SEPTIN8: variants seen among roughly 807,000 people sequenced by gnomAD.
SEPTIN8 encodes the protein septin-8.
A neutral mutation model predicts 53.1 loss-of-function variants in SEPTIN8; 22 were observed. The observed-to-expected ratio is 0.41, with a 90% CI of 0.30 to 0.59. SEPTIN8 has a LOEUF of 0.59. SEPTIN8 is among the 20% of genes least tolerant of loss of function. The pLI is 0.24. For missense variants in SEPTIN8, 536 were observed against 638.7 expected (o/e 0.84, Z 1.73); for synonymous variants, 228 against 248.4 (o/e 0.92, Z 0.77).
intron 9 of SEPTIN8, among the ~76,000 whole-genome samples, chr5:132,759,549 AAGC>A (rs1755679251): frequency 6.6e-6 from 1 of 152,206 alleles, no homozygotes; most frequent in African/African-American, 2.4e-5. Flanking sequence ...AGATGGCAGG[AAGC>A]AGGGCAAAGT....
chr5:132,751,108 C>A lies in SEPTIN8; in HGVS notation c.*908G>T, dbSNP rs765926958. ...AGGCGTGCACACGCCCTTGCACATGCACCACAGTGAGGTGACGCACAAGGC... is the reference window on the plus strand; with the variant it reads ...AGGCGTGCACACGCCCTTGCACATGAACCACAGTGAGGTGACGCACAAGGC... On this transcript the variant is annotated 3_prime_UTR_variant, in exon 10 of 10. Coordinates refer to ENST00000378719, the MANE Select transcript of SEPTIN8 (RefSeq NM_001098811.2). 3.0e-5 allele frequency: 37 copies of A among 1,253,422 alleles called. No individual in the cohort carries two copies. The highest frequency in any genetic ancestry group is 4.1e-5 in the Non-Finnish European group (37 of 895,786). 77.6% of individuals were successfully genotyped at this position (1,253,422 alleles called of 1,614,324 possible).
chr5:132,758,766 A>G, intron 9 of SEPTIN8: 1 of 1,614,158 alleles, frequency 6.2e-7, no homozygotes. Flanking sequence ...TAACTCAAGC[A>G]ACTTAACACA....
rs377335720 is a variant in SEPTIN8, at chr5:132,760,873, C to T, written c.1215G>A (p.Val405=). 30 of 1,613,464 alleles carry T rather than the reference C, an allele frequency of 1.9e-5. No homozygotes were observed. The African/African-American group carries it at 3.1e-4, about 16-fold the overall frequency. ...TNAFNRRKAA[V]EALQSQALHA... ...GCAAGGCCTGCGACTGCAGGGCCTC[C>T]ACCGCAGCCTTCCGGCGATTGAAGG... The change falls in exon 9 of 10, where the codon GTG becomes GTA. Residue 405 remains valine, a synonymous_variant. Coordinates refer to ENST00000378719, the MANE Select transcript of SEPTIN8 (RefSeq NM_001098811.2). This position sits in a 1 kb window ranked among gnomAD's most constrained non-coding sequence, Gnocchi z 5.2.
At chr5:132,770,308 AGCTGGGATTACAGGCAC>A (rs1757196746) in intron 1 of SEPTIN8, among the ~76,000 whole-genome samples, 1 of 151,034 alleles carries the variant, frequency 6.6e-6, no homozygotes, top group Non-Finnish European at 1.5e-5. Context: ...ACTCCCCAGT[AGCTGGGATTACAGGCAC>A]GCAACCACCA....
chr5:132,752,826 G>C, intron 9 of SEPTIN8: 1 of 1,555,182 alleles, frequency 6.4e-7, no homozygotes, highest in Non-Finnish European at 8.9e-7. Context: ...TAGAATGTAT[G>C]ATGGTTCTGC....
At position 132,764,217 on chromosome 5, in the gene SEPTIN8, C is replaced by T. The variant is rs746983736; in HGVS notation, c.347+7G>A. 1.2e-6 allele frequency: 2 copies of T among 1,607,676 alleles called. No homozygotes were observed. Among genetic ancestry groups the T allele is most frequent in the Admixed American group, 3.4e-5 (2 of 59,666 alleles). On this transcript the variant is annotated splice_region_variant and intron_variant, in intron 3 of 9. Coordinates refer to ENST00000378719, the MANE Select transcript of SEPTIN8 (RefSeq NM_001098811.2). ...GGCTGGGTGGGGCCGCCCTTCCCGC[C>T]TCTTGCCTCTCATCCTTATTGATCT...
chr5:132,779,814 G>A (rs895134086), upstream of SEPTIN8, among the ~76,000 whole-genome samples: 2 of 152,096 alleles, frequency 1.3e-5, no homozygotes, highest in Non-Finnish European at 2.9e-5. Flanking sequence ...CAAACCAGTT[G>A]TTTCATCTTT....
chr5:132,761,617 T>C lies in SEPTIN8; in HGVS notation c.803A>G (p.Glu268Gly). Residue 268 changes from glutamate to glycine, a missense_variant, in exon 7 of 10, where the codon GAG (glutamate) becomes GGG (glycine). Transcript: ENST00000378719. The surrounding 1 kb of genome is among the most constrained non-coding windows in gnomAD (Gnocchi z 5.8). ...YPWGVVQVEN[E>G]NHCDFVKLRE... ...CAGCTTCACGAAGTCGCAGTGATTC[T>C]CATTCTCCACTGAAAGCAGAGGGCC... 6.2e-7 allele frequency: 1 copy of C among 1,613,812 alleles called. No homozygotes were observed. The highest frequency in any genetic ancestry group is 8.5e-7 in the Non-Finnish European group (1 of 1,179,918).
At chr5:132,766,253 C>A (rs1205763471) in intron 1 of SEPTIN8, among the ~76,000 whole-genome samples, 2 of 152,214 alleles carry the variant, frequency 1.3e-5, no homozygotes, top group Non-Finnish European at 2.9e-5. Context: ...TCTAGAGACC[C>A]CCAGCTCCTG....
In SEPTIN8 at chr5:132,761,649, G is replaced by A; in HGVS notation, c.794-23C>T. ...CCACTGAAAGCAGAGGGCCGGTGGG[G>A]TATCAGGCAGGCATGCAGGCGGGCA... is the stretch of plus-strand genomic sequence containing the variant. On this transcript the variant is annotated intron_variant, in intron 6 of 9. Coordinates refer to ENST00000378719, the MANE Select transcript of SEPTIN8 (RefSeq NM_001098811.2). The surrounding 1 kb of genome is among the most constrained non-coding windows in gnomAD (Gnocchi z 5.8). The A allele has an allele frequency of 2.5e-6, 4 of 1,611,616 alleles. No individual in the cohort carries two copies. Among genetic ancestry groups the A allele is most frequent in the Non-Finnish European group, 3.4e-6 (4 of 1,178,776 alleles).
At position 132,762,007 on chromosome 5, in the gene SEPTIN8, T is replaced by C. The variant is rs920811278; in HGVS notation, c.697-111A>G. ...GGGGCAGCCAGACCTGAACAAAGGC[T>C]CCAGGGCCAGATGCTTACTTCCTGG... On this transcript the variant is annotated intron_variant, in intron 5 of 9. Coordinates refer to ENST00000378719, the MANE Select transcript of SEPTIN8 (RefSeq NM_001098811.2). The C allele has an allele frequency of 4.6e-6, 4 of 861,794 alleles. No individual in the cohort carries two copies. The African/African-American group carries it at 6.8e-5, about 15-fold the overall frequency. 53.4% of individuals were successfully genotyped at this position (861,794 alleles called of 1,614,324 possible). A position where few individuals can be genotyped will look rare whatever the true frequency, so the allele number is the denominator to read the frequency against.
intron 1 of SEPTIN8, among the ~76,000 whole-genome samples, chr5:132,770,271 T>C (rs1224431626): frequency 1.3e-5 from 2 of 150,542 alleles, no homozygotes; most frequent in Non-Finnish European, 3.0e-5. Flanking sequence ...CTCCGCCTCC[T>C]AGGTACAAGC....
In SEPTIN8 at chr5:132,761,097, C is replaced by A. The variant is rs1248342644; in HGVS notation, c.1095+36G>T. 2 of 1,613,188 alleles carry A rather than the reference C, an allele frequency of 1.2e-6. No individual in the cohort carries two copies. Among genetic ancestry groups the A allele is most frequent in the Non-Finnish European group, 1.7e-6 (2 of 1,179,484 alleles). On this transcript the variant is annotated intron_variant, in intron 8 of 9. Transcript: ENST00000378719. The surrounding 1 kb of genome is among the most constrained non-coding windows in gnomAD (Gnocchi z 5.8). ...ACCCTCAGCCAGGCCTTCCCTCCCTCAGCTTCCCCATCCCAGCCCCCAGCC... is the reference window on the plus strand; with the variant it reads ...ACCCTCAGCCAGGCCTTCCCTCCCTAAGCTTCCCCATCCCAGCCCCCAGCC...
At chr5:132,752,445 A>G (rs776193699) in intron 9 of SEPTIN8, among the ~76,000 whole-genome samples, 4 of 152,140 alleles carry the variant, frequency 2.6e-5, no homozygotes, top group African/African-American at 7.2e-5. Context: ...CTTTATCTCA[A>G]TGGGAGCCCT....
chr5:132,761,683 A>G lies in SEPTIN8; in HGVS notation c.794-57T>C. 6.2e-7 allele frequency: 1 copy of G among 1,602,014 alleles called. No homozygotes were observed. Among genetic ancestry groups the G allele is most frequent in the Non-Finnish European group, 8.5e-7 (1 of 1,173,178 alleles). On this transcript the variant is annotated intron_variant, in intron 6 of 9. Coordinates refer to ENST00000378719, the MANE Select transcript of SEPTIN8 (RefSeq NM_001098811.2). The surrounding 1 kb of genome is among the most constrained non-coding windows in gnomAD (Gnocchi z 5.8). ...AGGCATGCAGGCGGGCACACTCCAG[A>G]GTCAGGGTAGGCACGCAGGTGGGCA...
intron 1 of SEPTIN8, among the ~76,000 whole-genome samples, chr5:132,769,982 CATAT>C (rs1164726534): frequency 0.027 from 1,513 of 55,208 alleles, 28 homozygotes; most frequent in Non-Finnish European, 0.037. Context: ...TCTATATATA[CATAT>C]ATATATATAT....
chr5:132,764,128 TG>T, intron 3 of SEPTIN8, 95 bp downstream of exon 3: 1 of 1,304,594 alleles, frequency 7.7e-7, no homozygotes, highest in Non-Finnish European at 1.1e-6. Flanking sequence ...AGGCCCTCCC[TG>T]GCCCCCTGCA....
chr5:132,752,040 C>T lies in SEPTIN8; in HGVS notation c.1428G>A (p.Ala476=), dbSNP rs201961929. The T allele has an allele frequency of 3.4e-5, 55 of 1,611,346 alleles. No individual in the cohort carries two copies. Among genetic ancestry groups the T allele is most frequent in the African/African-American group, 3.3e-4 (25 of 75,018 alleles). Residue 476 remains alanine (A), a synonymous_variant, in exon 10 of 10, where the codon GCG becomes GCA. Coordinates refer to ENST00000378719, the MANE Select transcript of SEPTIN8 (RefSeq NM_001098811.2). ...IQCCSCLVRD[A]TWREGFL is the part of the protein sequence containing the mutation. ...CTCAGAGGAATCCTTCCCTCCACGT[C>T]GCATCCCTGACCAGGCAGCTGCAGC...
rs1371701726 is a variant in SEPTIN8, at chr5:132,763,770, A to T, written c.470T>A (p.Ile157Asn). The T allele has an allele frequency of 6.2e-7, 1 of 1,614,036 alleles. No individual in the cohort carries two copies. Among genetic ancestry groups the T allele is most frequent in the Non-Finnish European group, 8.5e-7 (1 of 1,180,004 alleles). The stretch of plus-strand genomic sequence containing the variant: ...CTTCAGGGAGTGCCCTGTGGGCGTG[A>T]TGAAGTAGAGGCAAACGTGGATCCT... ...DTRIHVCLYF[I>N]TPTGHSLKSL... The change falls in exon 4 of 10, where the codon ATC (isoleucine) becomes AAC (asparagine). Residue 157 changes from isoleucine (I) to asparagine (N), a missense_variant. Coordinates refer to ENST00000378719, the MANE Select transcript of SEPTIN8 (RefSeq NM_001098811.2).
Sources: allele counts gnomAD v4.1 joint callset (sites outside exome capture counted in the v4.1 genomes callset), GRCh38; gene constraint gnomAD v4.1.1; non-coding constraint Gnocchi (gnomAD v3.1); transcripts MANE v1.5; gene names NCBI Gene and HGNC (gene_info 2026-07-23, HGNC 2026-07-21).